The following KHDRBS2 variants were observed in gnomAD, a reference collection of about 807,000 sequenced individuals.
KHDRBS2 encodes KH RNA binding domain containing, signal transduction associated 2.
In KHDRBS2, 26 loss-of-function variants were observed where a neutral mutation model predicts 44.3. The ratio of observed to expected loss-of-function variants is 0.59; its 90% confidence interval spans 0.43 to 0.81. The LOEUF is 0.81. Ranked by LOEUF, KHDRBS2 falls within the 40% of genes least tolerant of loss-of-function variation. KHDRBS2 has a pLI of 0.00. For synonymous variants in KHDRBS2, 194 were observed against 151.1 expected, an observed-to-expected ratio of 1.28 and a Z score of -2.08; for missense variants, 476 against 433.1, an observed-to-expected ratio of 1.10 and a Z score of -0.88.
intron 7 of KHDRBS2, among the ~76,000 whole-genome samples, chr6:61,704,444 G>T (rs1769164668): frequency 6.6e-6 from 1 of 151,668 alleles, no homozygotes; most frequent in Non-Finnish European, 1.5e-5. Context: ...TTATGGTAGG[G>T]GGTCAGCACC....
At chr6:62,200,916 T>C (rs1826834001) in intron 1 of KHDRBS2, among the ~76,000 whole-genome samples, 1 of 152,094 alleles carries the variant, frequency 6.6e-6, no homozygotes, top group Non-Finnish European at 1.5e-5. Context: ...TAAAAAATGA[T>C]GAGTTCATGT....
Sources: gnomAD v4.1 joint callset for allele counts (sites outside exome capture counted in the v4.1 genomes callset) on GRCh38, gnomAD v4.1.1 for gene constraint, MANE v1.5 for transcripts, NCBI Gene and HGNC (gene_info 2026-07-23, HGNC 2026-07-21) for gene names.